CDH13: variants seen among roughly 807,000 people sequenced by gnomAD.
CDH13 encodes the protein cadherin 13, also known as cadherin-13.
Under a neutral mutation model 63.8 loss-of-function variants are expected in CDH13, and 24 were observed. The ratio of observed to expected loss-of-function variants is 0.38; its 90% CI spans 0.27 to 0.53. CDH13 has a LOEUF of 0.53. Ranked by LOEUF, CDH13 falls within the 20% of genes least tolerant of loss-of-function variation. The probability of loss-of-function intolerance (pLI) is 0.85; values close to 1 mark genes in which losing one functional copy is unlikely to be tolerated. For missense variants in CDH13, 1,049 were observed against 903.1 expected (o/e 1.16, Z -2.07); for synonymous variants, 503 against 355.3 (o/e 1.42, Z -4.67).
chr16:82,948,465 A>G lies in CDH13; in HGVS notation c.158-83545A>G, dbSNP rs937955252. ...TGCTGTCTTCATCACAGTCCCAAAA[A>G]ATACATTTGTGTTTCTTCCTTGAAG... On this transcript the variant is annotated intron_variant, in intron 2 of 13. Transcript: ENST00000567109. 2.6e-5 allele frequency among the ~76,000 whole-genome samples: 4 copies of G among 152,222 alleles called. No homozygotes were observed. In the East Asian group the frequency reaches 7.7e-4, roughly 29 times the overall value.
At chr16:83,057,070 G>C (rs895004888) in intron 3 of CDH13, among the ~76,000 whole-genome samples, 7 of 152,148 alleles carry the variant, frequency 4.6e-5, no homozygotes, top group African/African-American at 4.8e-5. Flanking sequence ...TGGTTCAAGT[G>C]ATTCTCCTGC....
chr16:83,459,657 G>C (rs1567687273), intron 6 of CDH13, among the ~76,000 whole-genome samples: 1 of 152,146 alleles, frequency 6.6e-6, no homozygotes, highest in Non-Finnish European at 1.5e-5. Flanking sequence ...AGGAGATTTT[G>C]GAAATTTTGA....
At chr16:83,145,520 A>G (rs1165098907) in intron 4 of CDH13, among the ~76,000 whole-genome samples, 1 of 152,244 alleles carries the variant, frequency 6.6e-6, no homozygotes, top group Non-Finnish European at 1.5e-5. Flanking sequence ...TTAATTGTTC[A>G]GCAGACACCA....
At chr16:83,755,452 G>T (rs1430715692) in intron 11 of CDH13, among the ~76,000 whole-genome samples, 3 of 152,132 alleles carry the variant, frequency 2.0e-5, no homozygotes, top group Admixed American at 2.0e-4. Context: ...AAATCAAAAA[G>T]TTTAGCAAAC....
At chr16:82,838,906 C>T (rs910117836) in intron 1 of CDH13, among the ~76,000 whole-genome samples, 4 of 152,206 alleles carry the variant, frequency 2.6e-5, no homozygotes, top group Non-Finnish European at 5.9e-5. Flanking sequence ...AGTCTGCAAA[C>T]TTTCTCAAAG....
At chr16:83,102,930 C>CTTTTTTTTTTTTCTTTTTTT (rs71148812) in intron 3 of CDH13, among the ~76,000 whole-genome samples, 3 of 96,932 alleles carry the variant, frequency 3.1e-5, no homozygotes, top group African/African-American at 9.2e-5. Flanking sequence ...TTTTCTTTTT[C>CTTTTTTTTTTTTCTTTTTTT]TTTTTTTTTT....
At chr16:83,329,644 T>G (rs2090440333) in intron 5 of CDH13, among the ~76,000 whole-genome samples, 1 of 152,194 alleles carries the variant, frequency 6.6e-6, no homozygotes, top group Non-Finnish European at 1.5e-5. Flanking sequence ...CCGGAACCTT[T>G]TCATCTTACT....
chr16:82,710,576 TAA>T lies in CDH13; in HGVS notation c.45+83441_45+83442del, dbSNP rs61435387. Among the ~76,000 whole-genome samples, 3 of 117,646 alleles carry T rather than the reference TAA, an allele frequency of 2.6e-5. No homozygotes were observed. The South Asian group carries it at 7.6e-4, about 30-fold the overall frequency. The allele number at this position is 117,646 out of a possible 152,430, so 77.2% of individuals were successfully genotyped here. A position where few individuals can be genotyped will look rare whatever the true frequency, so the allele number is the denominator to read the frequency against. ...AAATATATATATATATATATATATA[TAA>T]ATATATTTCTATATTTATAAAATAT... On this transcript the variant is annotated intron_variant, in intron 1 of 13. Transcript: ENST00000567109.
At chr16:83,374,970 G>A (rs527274091) in intron 6 of CDH13, among the ~76,000 whole-genome samples, 245 of 152,290 alleles carry the variant, frequency 1.6e-3, no homozygotes, top group Middle Eastern at 6.8e-3. Flanking sequence ...TAACCGTGGG[G>A]ATTTTCCATC....
At chr16:83,081,913 G>A (rs1269087870) in intron 3 of CDH13, among the ~76,000 whole-genome samples, 3 of 151,854 alleles carry the variant, frequency 2.0e-5, no homozygotes, top group Non-Finnish European at 4.4e-5. Flanking sequence ...CAATCCTCCT[G>A]CCTCAGGCTC....
intron 1 of CDH13, among the ~76,000 whole-genome samples, chr16:82,648,808 G>C (rs1222517510): frequency 2.6e-5 from 4 of 152,186 alleles, no homozygotes; most frequent in African/African-American, 9.7e-5. Context: ...CCCAGTGAAA[G>C]TTTTAAAGAA....
chr16:83,187,632 G>T (rs1036842702), intron 4 of CDH13, among the ~76,000 whole-genome samples: 1 of 152,002 alleles, frequency 6.6e-6, no homozygotes, highest in African/African-American at 2.4e-5. Flanking sequence ...AGAGAGAAAT[G>T]ACTAATTTCT....
intron 6 of CDH13, chr16:83,396,754 A>AATGATGATGATGATG (rs35787138): frequency 6.6e-6 from 1 of 150,386 alleles, no homozygotes. Context: ...ATTCATCACA[A>AATGATGATGATGATG]ATGATGATGA....
chr16:82,740,022 T>C (rs929569193), intron 1 of CDH13, among the ~76,000 whole-genome samples: 1 of 152,222 alleles, frequency 6.6e-6, no homozygotes, highest in African/African-American at 2.4e-5. Flanking sequence ...ACCATTTCTC[T>C]GGTAAACCTT....
chr16:82,854,631 C>T (rs904971508), intron 1 of CDH13, among the ~76,000 whole-genome samples: 6 of 152,092 alleles, frequency 3.9e-5, no homozygotes, highest in East Asian at 1.9e-4. Flanking sequence ...GATGAGTCTG[C>T]ATTCTTCTCC....
intron 5 of CDH13, among the ~76,000 whole-genome samples, chr16:83,333,359 A>G (rs761523851): frequency 6.6e-6 from 1 of 152,188 alleles, no homozygotes; most frequent in African/African-American, 2.4e-5. Context: ...AGGTTTCTAC[A>G]TAAAGATCTA....
chr16:83,615,418 A>G (rs982765613), intron 8 of CDH13, among the ~76,000 whole-genome samples: 3 of 152,182 alleles, frequency 2.0e-5, no homozygotes, highest in African/African-American at 4.8e-5. Flanking sequence ...TAAGTACCAG[A>G]TAAATCTTTG....
chr16:83,177,990 G>A (rs2038195786), intron 4 of CDH13, among the ~76,000 whole-genome samples: 2 of 152,138 alleles, frequency 1.3e-5, no homozygotes, highest in Non-Finnish European at 2.9e-5. Flanking sequence ...GGATGAGTGG[G>A]TAGTAGATGG....
In CDH13 at chr16:83,209,365, A is replaced by G. The variant is rs999499732; in HGVS notation, c.484-7980A>G. Among the ~76,000 whole-genome samples the G allele has an allele frequency of 2.0e-5, 3 of 152,120 alleles. No homozygotes were observed. The South Asian group carries it at 6.2e-4, about 32-fold the overall frequency. On this transcript the variant is annotated intron_variant, in intron 4 of 13. Coordinates refer to ENST00000567109, the MANE Select transcript of CDH13 (RefSeq NM_001257.5). ...CAGGTCGGCCACTCCCAGATTTCCT[A>G]GCTTGGAACAGACATCCGGGTGCAT...
Sources: gnomAD v4.1 joint callset for allele counts (sites outside exome capture counted in the v4.1 genomes callset) on GRCh38, gnomAD v4.1.1 for gene constraint, MANE v1.5 for transcripts, NCBI Gene and HGNC (gene_info 2026-07-23, HGNC 2026-07-21) for gene names.